The following TPD52 variants were observed in gnomAD, a reference collection of about 807,000 sequenced individuals.
The protein encoded by TPD52 is prostate and colon associated protein.
TPD52 carries 17 observed loss-of-function variants against 31.3 expected under a neutral mutation model. The observed-to-expected ratio is 0.54, with a 90% confidence interval of 0.37 to 0.82. TPD52 has a LOEUF of 0.82. Ranked by LOEUF, TPD52 falls within the 40% of genes least tolerant of loss-of-function variation. The pLI is 0.00. For missense variants in TPD52, 212 were observed against 240.1 expected (o/e 0.88, Z 0.77); for synonymous variants, 83 against 89.6 (o/e 0.93, Z 0.42).
intron 1 of TPD52, chr8:80,158,294 C>T (rs1476714801): frequency 6.6e-6 from 1 of 151,788 alleles, no homozygotes; most frequent in Non-Finnish European, 1.5e-5. Flanking sequence ...CAATTCTCCT[C>T]AACTCCACCC....
chr8:80,042,737 A>G, intron 6 of TPD52, 69 bp from the exon 7 acceptor site: 1 of 1,394,800 alleles, frequency 7.2e-7, no homozygotes, highest in Non-Finnish European at 1.0e-6. Flanking sequence ...GTTTGAAAAT[A>G]TAATTGATTC....
intron 1 of TPD52, among the ~76,000 whole-genome samples, chr8:80,143,007 A>G (rs1195834717): frequency 6.6e-6 from 1 of 152,204 alleles, no homozygotes; most frequent in African/African-American, 2.4e-5. Flanking sequence ...TGTCTTAAGT[A>G]TCTGGTGACC....
In TPD52 at chr8:80,171,563, T is replaced by G. The variant is rs2131301641; in HGVS notation, c.-120A>C. ...GCCTCCGCCGGCGACTCCCGCGAAG[T>G]CCCCACCCCCAGAGGCGTCGGGCGC... On this transcript the variant is annotated 5_prime_UTR_variant, in exon 1 of 8. Transcript: ENST00000518937. 8 of 1,300,676 alleles carry G rather than the reference T, an allele frequency of 6.2e-6. No homozygotes were observed. The African/African-American group carries it at 6.3e-5, about 10-fold the overall frequency. The allele number at this position is 1,300,676 out of a possible 1,614,324, so 80.6% of individuals were successfully genotyped here. A position where few individuals can be genotyped will look rare whatever the true frequency, so the allele number is the denominator to read the frequency against.
intron 1 of TPD52, among the ~76,000 whole-genome samples, chr8:80,155,983 G>A (rs992740008): frequency 6.6e-6 from 1 of 152,092 alleles, no homozygotes; most frequent in African/African-American, 2.4e-5. Flanking sequence ...CATATTTAAG[G>A]TCTGCTCCAG....
chr8:80,138,428 G>A (rs917684688), intron 1 of TPD52, among the ~76,000 whole-genome samples: 5 of 152,080 alleles, frequency 3.3e-5, no homozygotes, highest in African/African-American at 1.2e-4. Flanking sequence ...CGTCTCCTTC[G>A]GCAGGTGCTG....
intron 1 of TPD52, among the ~76,000 whole-genome samples, chr8:80,141,232 C>T (rs1021305889): frequency 4.6e-5 from 7 of 152,172 alleles, no homozygotes; most frequent in Admixed American, 6.5e-5. Context: ...CAGCTACAGA[C>T]GCCCTGTACC....
At chr8:80,059,780 G>C (rs551386759) in intron 2 of TPD52, among the ~76,000 whole-genome samples, 1 of 152,214 alleles carries the variant, frequency 6.6e-6, no homozygotes, top group African/African-American at 2.4e-5. Context: ...CTTGAACCTG[G>C]GAGGCAGAGG....
intron 1 of TPD52, among the ~76,000 whole-genome samples, chr8:80,152,308 C>T (rs1417793657): frequency 1.3e-5 from 2 of 152,146 alleles, no homozygotes; most frequent in African/African-American, 2.4e-5. Context: ...CTTGATAGTA[C>T]CTGACAGAAT....
chr8:80,139,508 G>A (rs763617701), intron 1 of TPD52, among the ~76,000 whole-genome samples: 5 of 151,986 alleles, frequency 3.3e-5, no homozygotes, highest in Non-Finnish European at 7.4e-5. Flanking sequence ...TACAGTATAT[G>A]GTCCAGATTA....
chr8:80,128,417 G>A (rs7002550), intron 1 of TPD52, among the ~76,000 whole-genome samples: 12,891 of 150,022 alleles, frequency 0.086, 643 homozygotes, highest in South Asian at 0.21. Context: ...CACTTTAGGA[G>A]GCCGAGGTGG....
chr8:80,077,013 A>G (rs527685379), intron 1 of TPD52, among the ~76,000 whole-genome samples: 2,873 of 150,566 alleles, frequency 0.019, 95 homozygotes, highest in African/African-American at 0.066. Flanking sequence ...CCAGTGGCTC[A>G]CGCCTGTAAT....
At chr8:80,073,378 A>G (rs1814152997) in intron 1 of TPD52, among the ~76,000 whole-genome samples, 1 of 152,024 alleles carries the variant, frequency 6.6e-6, no homozygotes, top group Non-Finnish European at 1.5e-5. Context: ...CCCCATCCCT[A>G]TTTCCAGGTC....
At chr8:80,064,793 C>A (rs1438890261) in intron 1 of TPD52, 200 bp from the exon 2 acceptor site, 4 of 690,370 alleles carry the variant, frequency 5.8e-6, no homozygotes, top group South Asian at 1.5e-5. Context: ...CAAGTAGACT[C>A]TGCCAAAATA....
At chr8:80,072,794 CACACAT>C (rs1300634189) in intron 1 of TPD52, among the ~76,000 whole-genome samples, 3 of 141,908 alleles carry the variant, frequency 2.1e-5, no homozygotes, top group Non-Finnish European at 4.4e-5. Context: ...TACACACACA[CACACAT>C]ATATATATAT....
At chr8:80,138,816 C>G (rs1289654995) in intron 1 of TPD52, among the ~76,000 whole-genome samples, 1 of 152,202 alleles carries the variant, frequency 6.6e-6, no homozygotes, top group African/African-American at 2.4e-5. Flanking sequence ...ACCTTAGGCT[C>G]ATCCTGTCAT....
chr8:80,080,507 T>G, intron 1 of TPD52: 10 of 1,602,720 alleles, frequency 6.2e-6, no homozygotes, highest in Non-Finnish European at 8.5e-6. Context: ...CAGCCTTCAG[T>G]TGAGTGCCGC....
chr8:80,068,538 C>T (rs1453933463), intron 1 of TPD52, among the ~76,000 whole-genome samples: 4 of 152,198 alleles, frequency 2.6e-5, no homozygotes, highest in African/African-American at 9.7e-5. Context: ...AACATTTTAG[C>T]CATTGCCTTA....
At chr8:80,038,966 C>A (rs1250130705) in intron 7 of TPD52, among the ~76,000 whole-genome samples, 1 of 152,214 alleles carries the variant, frequency 6.6e-6, no homozygotes, top group African/African-American at 2.4e-5. Context: ...TTACACATGT[C>A]ACTTTATCCT....
rs542306009 is a variant in TPD52 at position 80,037,868 on chromosome 8, T to C, written c.*248A>G. The stretch of plus-strand genomic sequence containing the variant: ...GATCATTATAGTGAATGTCCCCATT[T>C]ACTATAAGTGTTTTTATAATGGTGT... On this transcript the variant is annotated 3_prime_UTR_variant, in exon 8 of 8. Coordinates refer to ENST00000518937, the MANE Select transcript of TPD52 (RefSeq NM_001025253.3). 1 of 365,612 alleles carries C rather than the reference T, an allele frequency of 2.7e-6. No individual in the cohort carries two copies. The highest frequency in any genetic ancestry group is 8.3e-5 in the South Asian group (1 of 11,990). The allele number at this position is 365,612 out of a possible 1,614,324, so 22.6% of individuals were successfully genotyped here.
Sources: allele counts gnomAD v4.1 joint callset (sites outside exome capture counted in the v4.1 genomes callset), GRCh38; gene constraint gnomAD v4.1.1; transcripts MANE v1.5; gene names NCBI Gene and HGNC (gene_info 2026-07-23, HGNC 2026-07-21).